TTC7A: variants seen among roughly 807,000 people sequenced by gnomAD.
TTC7A encodes the protein tetratricopeptide repeat domain 7A.
In TTC7A, 110 loss-of-function variants were observed where a neutral mutation model predicts 103.7. That is an observed-to-expected ratio of 1.06 (90% confidence interval 0.91 to 1.24). The LOEUF (loss-of-function observed/expected upper bound fraction) is 1.24. TTC7A is among the 50% of genes most tolerant of loss of function. The pLI is 0.00. For missense variants in TTC7A, 1,340 were observed against 1,116.3 expected (o/e 1.20, Z -2.86); for synonymous variants, 521 against 467.9 (o/e 1.11, Z -1.47).
upstream of TTC7A, among the ~76,000 whole-genome samples, chr2:46,939,631 A>C (rs937728475): frequency 2.6e-5 from 4 of 152,142 alleles, no homozygotes; most frequent in African/African-American, 9.7e-5. Context: ...AGGAGGTCTT[A>C]TTTCTGCCAA....
chr2:47,050,233 ACAGTGGG>A (rs1416058656), intron 17 of TTC7A, 187 bp downstream of exon 17: 32 of 597,736 alleles, frequency 5.4e-5, no homozygotes, highest in Non-Finnish European at 8.7e-5. Flanking sequence ...TGCTGGTCCC[ACAGTGGG>A]CAGTGGGCAG....
chr2:46,923,216 A>G (rs1669197023), intron 2 of TTC7A, among the ~76,000 whole-genome samples: 1 of 152,192 alleles, frequency 6.6e-6, no homozygotes. Flanking sequence ...GCTTTATTAC[A>G]TAGGCACAGT....
intron 16 of TTC7A, chr2:47,046,928 G>A (rs1682385518): frequency 7.4e-6 from 2 of 270,320 alleles, no homozygotes; most frequent in Non-Finnish European, 6.9e-6. Context: ...GGCTAGAAGA[G>A]GAGGAGGAGG....
intron 17 of TTC7A, 67 bp from the exon 18 acceptor site, chr2:47,051,679 C>T: frequency 6.6e-7 from 1 of 1,525,496 alleles, no homozygotes; most frequent in Non-Finnish European, 8.9e-7. Context: ...TGGGCAATGA[C>T]TGCTCCTGGG....
intron 2 of TTC7A, chr2:46,951,581 G>C (rs1385363402): frequency 6.7e-6 from 3 of 450,192 alleles, no homozygotes; most frequent in South Asian, 1.6e-5. Flanking sequence ...CTGTCTTTCT[G>C]TCTGTCTTTA....
intron 5 of TTC7A, among the ~76,000 whole-genome samples, chr2:46,987,999 AG>A (rs963477146): frequency 6.6e-6 from 1 of 152,236 alleles, no homozygotes; most frequent in African/African-American, 2.4e-5. Context: ...GGGCTAGGGG[AG>A]GACAGGAGTC....
At position 47,006,739 on chromosome 2, in the gene TTC7A, G is replaced by C. The variant is rs778746812; in HGVS notation, c.1287+15G>C. On this transcript the variant is annotated intron_variant, in intron 10 of 19. Coordinates refer to ENST00000319190, the MANE Select transcript of TTC7A (RefSeq NM_020458.4). ...CTTGTGGGAAGGTAAGGCCCAGGGGGCGCTAGGGGTTGCACACTCACCCGC... is the reference window on the plus strand; with the variant it reads ...CTTGTGGGAAGGTAAGGCCCAGGGGCCGCTAGGGGTTGCACACTCACCCGC... The C allele has an allele frequency of 1.2e-6, 2 of 1,603,706 alleles. No individual in the cohort carries two copies. The highest frequency in any genetic ancestry group is 1.7e-6 in the Non-Finnish European group (2 of 1,170,606).
chr2:46,992,270 C>T (rs921201416), intron 5 of TTC7A, among the ~76,000 whole-genome samples: 4 of 152,180 alleles, frequency 2.6e-5, no homozygotes, highest in African/African-American at 9.7e-5. Context: ...ATGCGCCTGG[C>T]CCTCAGGTGG....
chr2:46,983,416 A>G (rs1167240635), intron 5 of TTC7A, among the ~76,000 whole-genome samples: 2 of 152,182 alleles, frequency 1.3e-5, no homozygotes, highest in Admixed American at 6.5e-5. Context: ...ATGGCCCGGC[A>G]GTTGAAGCTG....
At chr2:46,965,641 A>G (rs559842985) in intron 3 of TTC7A, among the ~76,000 whole-genome samples, 60 of 149,376 alleles carry the variant, frequency 4.0e-4, no homozygotes, top group African/African-American at 1.5e-3. Context: ...GGCTCACTGC[A>G]ACCTCTGCCT....
intron 15 of TTC7A, among the ~76,000 whole-genome samples, chr2:47,041,159 C>T (rs142785034): frequency 1.3e-5 from 2 of 152,292 alleles, no homozygotes; most frequent in East Asian, 3.9e-4. Context: ...CCTGCTTTCA[C>T]AGGGAGGAAA....
At chr2:47,033,801 T>C (rs1361411190) in intron 15 of TTC7A, among the ~76,000 whole-genome samples, 3 of 152,086 alleles carry the variant, frequency 2.0e-5, no homozygotes, top group African/African-American at 7.2e-5. Flanking sequence ...TGAGGCTGTA[T>C]CCTGGGTCCC....
chr2:47,005,541 G>A (rs576777496), intron 8 of TTC7A, among the ~76,000 whole-genome samples: 1 of 152,312 alleles, frequency 6.6e-6, no homozygotes, highest in South Asian at 2.1e-4. Flanking sequence ...CTGAATACAA[G>A]GTATGATCCT....
intron 2 of TTC7A, among the ~76,000 whole-genome samples, chr2:46,918,536 A>C (rs930887940): frequency 3.3e-5 from 5 of 152,238 alleles, no homozygotes; most frequent in African/African-American, 1.2e-4. Flanking sequence ...ACCCATTCCT[A>C]ACAGGCAAAT....
chr2:46,950,297 G>A (rs998204477), intron 1 of TTC7A, 66 bp from the exon 2 acceptor site: 2 of 1,583,332 alleles, frequency 1.3e-6, no homozygotes, highest in Admixed American at 1.7e-5. Flanking sequence ...GTCCAGGAGT[G>A]TGCAACTCCC....
intron 1 of TTC7A, among the ~76,000 whole-genome samples, chr2:46,944,179 A>G (rs180730327): frequency 4.3e-4 from 65 of 152,258 alleles, no homozygotes; most frequent in African/African-American, 1.4e-3. Flanking sequence ...AGCCCATCCA[A>G]GTGATTAAAA....
intron 1 of TTC7A, among the ~76,000 whole-genome samples, chr2:46,949,871 G>T (rs1671258740): frequency 6.6e-6 from 1 of 152,074 alleles, no homozygotes; most frequent in African/African-American, 2.4e-5. Context: ...GTGAGACTCT[G>T]TTTAAAACAA....
chr2:46,997,375 C>A (rs1016561072), intron 8 of TTC7A, among the ~76,000 whole-genome samples: 2 of 152,196 alleles, frequency 1.3e-5, no homozygotes, highest in South Asian at 2.1e-4. Flanking sequence ...TCTGTTAGGT[C>A]CTTTCTCAGC....
At chr2:46,950,656 A>G (rs1284088881) in intron 2 of TTC7A, 130 bp downstream of exon 2, 7 of 960,850 alleles carry the variant, frequency 7.3e-6, no homozygotes, top group Non-Finnish European at 1.1e-5. Context: ...TTGCACTTAC[A>G]GTAGCCACTG....
Sources: gnomAD v4.1 joint callset for allele counts (sites outside exome capture counted in the v4.1 genomes callset) on GRCh38, gnomAD v4.1.1 for gene constraint, MANE v1.5 for transcripts, NCBI Gene and HGNC (gene_info 2026-07-23, HGNC 2026-07-21) for gene names.